Variants in NSG2 observed in about 807,000 individuals in gnomAD.
The protein encoded by NSG2 is neuronal vesicle trafficking associated 2.
NSG2 carries 4 observed loss-of-function variants against 16.9 expected under a neutral mutation model. The ratio of observed to expected loss-of-function variants is 0.24; its 90% confidence interval spans 0.12 to 0.54. The LOEUF (loss-of-function observed/expected upper bound fraction) is 0.54. Among genes scored for constraint, NSG2 ranks in the 20% least tolerant of loss-of-function variants. The pLI is 0.95. For missense variants in NSG2, 179 were observed against 221.1 expected, an observed-to-expected ratio of 0.81 and a Z score of 1.21; for synonymous variants, 98 against 88.7, an observed-to-expected ratio of 1.11 and a Z score of -0.59.
In NSG2 at chr5:174,097,853, GTGTGTGTGTGTATGAGTGTC is replaced by G. The variant is rs778724003; in HGVS notation, c.214-6367_214-6348del. ...TCTCTTTGTGTGTGTCTGTGTGTGT[GTGTGTGTGTGTATGAGTGTC>G]TGTGTGTCTGTCTCTCTGGTCTTAA... On this transcript the variant is annotated intron_variant, in intron 3 of 4. Coordinates refer to ENST00000303177, the MANE Select transcript of NSG2 (RefSeq NM_015980.5). Among the ~76,000 whole-genome samples the G allele has an allele frequency of 2.7e-3, 415 of 151,790 alleles. 2 individuals are homozygous for G. The highest frequency in any genetic ancestry group is 3.8e-3 in the Non-Finnish European group (260 of 67,910).
intron 2 of NSG2, chr5:174,056,625 C>T (rs1241273723): frequency 6.6e-6 from 1 of 152,232 alleles, no homozygotes; most frequent in African/African-American, 2.4e-5. Context: ...GTGCCTGGCT[C>T]ACAGTAGGGA....
Position 174,108,377 on chromosome 5 carries a change from G to A in NSG2, c.*872G>A, listed in dbSNP as rs182347740. ...CTGCAAGAAGGAAGGCACGGGACAGGCATGTGACACTAGGCCACAAGCGAT... is the reference window on the plus strand; with the variant it reads ...CTGCAAGAAGGAAGGCACGGGACAGACATGTGACACTAGGCCACAAGCGAT... On this transcript the variant is annotated 3_prime_UTR_variant, in exon 5 of 5. Transcript: ENST00000303177. 1.6e-4 allele frequency: 24 copies of A among 154,774 alleles called. No homozygotes were observed. In the Middle Eastern group the frequency reaches 0.01, roughly 64 times the overall value. 9.6% of individuals were successfully genotyped at this position (154,774 alleles called of 1,614,324 possible).
At chr5:174,083,350 C>A (rs1261408135) in intron 3 of NSG2, among the ~76,000 whole-genome samples, 1 of 152,186 alleles carries the variant, frequency 6.6e-6, no homozygotes, top group African/African-American at 2.4e-5. Flanking sequence ...CATTTTAGTT[C>A]TCTGGGGATC....
intron 3 of NSG2, among the ~76,000 whole-genome samples, chr5:174,066,886 A>AG (rs2113438540): frequency 7.0e-6 from 1 of 142,566 alleles, no homozygotes; most frequent in South Asian, 2.4e-4. Context: ...GCTACTTGGG[A>AG]GGCTGAGGCA....
intron 3 of NSG2, among the ~76,000 whole-genome samples, chr5:174,102,810 A>T (rs1253851217): frequency 6.7e-6 from 1 of 150,252 alleles, no homozygotes; most frequent in Non-Finnish European, 1.5e-5. Context: ...ATGGAGTCTC[A>T]CTCTGTCACC....
chr5:174,103,361 G>A (rs1561676810), intron 3 of NSG2, among the ~76,000 whole-genome samples: 1 of 152,202 alleles, frequency 6.6e-6, no homozygotes, highest in Non-Finnish European at 1.5e-5. Flanking sequence ...TTTGGCCTGA[G>A]TGACTGCAAA....
intron 3 of NSG2, among the ~76,000 whole-genome samples, chr5:174,098,712 T>G (rs1041775616): frequency 6.6e-6 from 1 of 152,188 alleles, no homozygotes; most frequent in African/African-American, 2.4e-5. Flanking sequence ...GTGAACTCCT[T>G]GAGGCAATGG....
At chr5:174,046,137 A>G (rs1429194272) in intron 1 of NSG2, 1 of 151,282 alleles carries the variant, frequency 6.6e-6, no homozygotes, top group Non-Finnish European at 1.5e-5. Context: ...AAATGGAGGC[A>G]TTCCATGGCT....
chr5:174,097,650 T>C (rs1480695092), intron 3 of NSG2, among the ~76,000 whole-genome samples: 1 of 149,174 alleles, frequency 6.7e-6, no homozygotes, highest in Non-Finnish European at 1.5e-5. Context: ...TGTTTCTCTC[T>C]CAGTGAGTGT....
At chr5:174,053,062 C>A (rs1759917361) in intron 2 of NSG2, among the ~76,000 whole-genome samples, 1 of 152,122 alleles carries the variant, frequency 6.6e-6, no homozygotes, top group African/African-American at 2.4e-5. Context: ...CACAGTAGGC[C>A]ACATGCACTT....
intron 3 of NSG2, among the ~76,000 whole-genome samples, chr5:174,095,671 G>C (rs1371876379): frequency 6.6e-6 from 1 of 152,128 alleles, no homozygotes; most frequent in Admixed American, 6.5e-5. Context: ...CTGGAGATTT[G>C]GATGTGGGCA....
chr5:174,101,308 G>A (rs925877850), intron 3 of NSG2, among the ~76,000 whole-genome samples: 14 of 152,320 alleles, frequency 9.2e-5, no homozygotes, highest in South Asian at 2.1e-4. Flanking sequence ...GAGAAAACTC[G>A]TGTAACATAA....
At chr5:174,051,823 T>C (rs1420533624) in intron 2 of NSG2, among the ~76,000 whole-genome samples, 1 of 152,222 alleles carries the variant, frequency 6.6e-6, no homozygotes, top group African/African-American at 2.4e-5. Context: ...ATAAGACATA[T>C]AGGGGACCTA....
intron 2 of NSG2, among the ~76,000 whole-genome samples, chr5:174,054,209 A>AGTGT (rs1225932953): frequency 6.6e-6 from 1 of 152,270 alleles, no homozygotes; most frequent in East Asian, 1.9e-4. Flanking sequence ...AAACACACAT[A>AGTGT]GTGTGAGCAT....
intron 2 of NSG2, among the ~76,000 whole-genome samples, chr5:174,049,985 T>A (rs1443470880): frequency 2.6e-5 from 4 of 152,164 alleles, no homozygotes; most frequent in Non-Finnish European, 4.4e-5. Context: ...CCACTCCAAC[T>A]CTTACCAGCC....
intron 3 of NSG2, chr5:174,086,498 G>A (rs985906747): frequency 6.6e-6 from 1 of 152,248 alleles, no homozygotes; most frequent in Non-Finnish European, 1.5e-5. Flanking sequence ...AATGAGGCAG[G>A]TTCCCTCTAG....
chr5:174,057,205 C>T (rs1474844140), intron 2 of NSG2, among the ~76,000 whole-genome samples: 1 of 152,162 alleles, frequency 6.6e-6, no homozygotes, highest in African/African-American at 2.4e-5. Context: ...CTTTTCTTCT[C>T]TCATTTCTGC....
At chr5:174,052,001 T>C (rs1414230903) in intron 2 of NSG2, among the ~76,000 whole-genome samples, 1 of 151,882 alleles carries the variant, frequency 6.6e-6, no homozygotes, top group African/African-American at 2.4e-5. Flanking sequence ...TTTCAAAAGG[T>C]ATTTAAAGCA....
At chr5:174,090,521 A>G (rs779080915) in intron 3 of NSG2, among the ~76,000 whole-genome samples, 4 of 152,224 alleles carry the variant, frequency 2.6e-5, no homozygotes, top group Non-Finnish European at 5.9e-5. Flanking sequence ...CACTCCTATC[A>G]GTTCTGGGGA....
Sources: gnomAD v4.1 joint callset for allele counts (sites outside exome capture counted in the v4.1 genomes callset) on GRCh38, gnomAD v4.1.1 for gene constraint, MANE v1.5 for transcripts, NCBI Gene and HGNC (gene_info 2026-07-23, HGNC 2026-07-21) for gene names.